MAG: variants seen among roughly 807,000 people sequenced by gnomAD.
MAG encodes the protein myelin-associated glycoprotein.
MAG carries 30 observed loss-of-function variants against 60.7 expected under a neutral mutation model. The ratio of observed to expected loss-of-function variants is 0.49; its 90% CI spans 0.37 to 0.67. MAG has a LOEUF of 0.67. MAG is among the 30% of genes least tolerant of loss of function. The probability of loss-of-function intolerance (pLI) is 0.00; values close to 1 mark genes in which losing one functional copy is unlikely to be tolerated. For missense variants in MAG, 795 were observed against 851.7 expected, an observed-to-expected ratio of 0.93 and a Z score of 0.83; for synonymous variants, 384 against 376.8, an observed-to-expected ratio of 1.02 and a Z score of -0.22.
In MAG at chr19:35,299,696, G is replaced by T. The variant is rs772791739; in HGVS notation, c.558G>T (p.Leu186=). The T allele has an allele frequency of 3.8e-6, 6 of 1,591,884 alleles. No homozygotes were observed. In the Admixed American group the frequency reaches 1.1e-4, roughly 28 times the overall value. ...AGGGGCTGGGGGAGCCCGCTGTGCT[G>T]GGCCGGCTGCGGGAGGACGAGGGCA... ...GHEGLGEPAV[L]GRLREDEGTW... The change falls in exon 5 of 11, where the codon CTG becomes CTT. Residue 186 remains leucine (L), a synonymous_variant. Transcript: ENST00000392213.
rs566027229 is a variant in MAG, at chr19:35,312,590, C to G, written c.1716+573C>G. 4.6e-4 allele frequency: 266 copies of G among 579,590 alleles called. 1 individual carries two copies. Among genetic ancestry groups the G allele is most frequent in the South Asian group, 9.1e-4 (43 of 47,070 alleles). 35.9% of individuals were successfully genotyped at this position (579,590 alleles called of 1,614,324 possible). Reference sequence around the variant, plus strand: ...GGAACCCACATGTCACCTGCAGGACCTCCCAGATTGAGGGCGGACCCATGC... The same window carrying G: ...GGAACCCACATGTCACCTGCAGGACGTCCCAGATTGAGGGCGGACCCATGC... On this transcript the variant is annotated intron_variant, in intron 10 of 10. Transcript: ENST00000392213.
At chr19:35,292,232 C>CAA (rs1568468849) in intron 1 of MAG, 28 bp downstream of exon 1, 1 of 456,014 alleles carries the variant, frequency 2.2e-6, no homozygotes, top group Middle Eastern at 3.8e-4. Flanking sequence ...GAGGCCAGGG[C>CAA]AAGGGGAGCA....
At chr19:35,296,793 C>T (rs2066401122) in intron 4 of MAG, among the ~76,000 whole-genome samples, 1 of 151,630 alleles carries the variant, frequency 6.6e-6, no homozygotes, top group South Asian at 2.1e-4. Flanking sequence ...ACACTGCACA[C>T]TCTACCTACA....
In MAG at chr19:35,312,217, G is replaced by A. The variant is rs186648014; in HGVS notation, c.1716+200G>A. 2.3e-4 allele frequency: 336 copies of A among 1,469,938 alleles called. 1 individual carries two copies. The African/African-American group carries it at 2.3e-3, about 10-fold the overall frequency. The allele number at this position is 1,469,938 out of a possible 1,614,324, so 91.1% of individuals were successfully genotyped here. ...GAAGCTGTGTAGGGGGCGATGGGAC[G>A]TGGGGCCTAAGGGCCCCCTCCCCTC... On this transcript the variant is annotated intron_variant, in intron 10 of 10. Coordinates refer to ENST00000392213, the MANE Select transcript of MAG (RefSeq NM_002361.4).
intron 7 of MAG, among the ~76,000 whole-genome samples, chr19:35,304,533 T>A (rs1002781068): frequency 3.3e-5 from 5 of 151,572 alleles, no homozygotes; most frequent in Admixed American, 6.6e-5. Flanking sequence ...AGTTCTTATT[T>A]TTATTATTAT....
rs1298543746 is a variant in MAG at position 35,311,933 on chromosome 19, G to A, written c.1632G>A (p.Glu544=). The change falls in exon 10 of 11, where the codon GAG becomes GAA. Residue 544 remains glutamate (E), a synonymous_variant. Transcript: ENST00000392213. ...TQTRRKKNVT[E]SPSFSAGDNP... ...TGCCCTGCAGAAAGAACGTGACAGA[G>A]AGCCCCAGCTTCTCGGCAGGGGACA... 10 of 1,612,724 alleles carry A rather than the reference G, an allele frequency of 6.2e-6. No individual in the cohort carries two copies. Among genetic ancestry groups the A allele is most frequent in the Non-Finnish European group, 8.5e-6 (10 of 1,179,320 alleles).
intron 7 of MAG, among the ~76,000 whole-genome samples, chr19:35,307,300 C>T (rs566251334): frequency 6.6e-5 from 10 of 152,300 alleles, no homozygotes; most frequent in Admixed American, 3.9e-4. Context: ...CCGTGTGACT[C>T]CCAGGTCCAC....
intron 7 of MAG, among the ~76,000 whole-genome samples, chr19:35,309,169 G>C (rs893580213): frequency 5.3e-5 from 8 of 152,152 alleles, no homozygotes; most frequent in African/African-American, 1.7e-4. Flanking sequence ...GCTGAGGCTA[G>C]AGTCGCCTCA....
chr19:35,297,829 A>T lies in MAG; in HGVS notation c.416-1725A>T, dbSNP rs777707533. ...AAACCACACACCCCACACACAACAA[A>T]CATGCACAACACACGCTACACAAAC... On this transcript the variant is annotated intron_variant, in intron 4 of 10. Transcript: ENST00000392213. Among the ~76,000 whole-genome samples, 14 of 149,640 alleles carry T rather than the reference A, an allele frequency of 9.4e-5. 1 individual carries two copies. The South Asian group carries it at 2.1e-3, about 23-fold the overall frequency.
intron 7 of MAG, among the ~76,000 whole-genome samples, chr19:35,304,371 G>C (rs1448715245): frequency 6.6e-6 from 1 of 152,070 alleles, no homozygotes; most frequent in Non-Finnish European, 1.5e-5. Context: ...GGAGCCGATG[G>C]GAGTACTTGA....
Position 35,300,323 on chromosome 19 carries a change from C to T in MAG, c.889C>T (p.Pro297Ser). 1.3e-6 allele frequency: 2 copies of T among 1,599,322 alleles called. No individual in the cohort carries two copies. Among genetic ancestry groups the T allele is most frequent in the Non-Finnish European group, 8.5e-7 (1 of 1,179,420 alleles). The change falls in exon 6 of 11, where the codon CCC (proline) becomes TCC (serine). Residue 297 changes from proline (P) to serine (S), a missense_variant. Physicochemically the swap from Pro to Ser is moderately conservative, Grantham distance 74. Coordinates refer to ENST00000392213, the MANE Select transcript of MAG (RefSeq NM_002361.4). ...GCTCCTGGAGCTGGAGGAGGTGACC[C>T]CCGCCGAAGACGGCGTCTATGCCTG... The part of the protein sequence containing the change: ...SLLLELEEVT[P>S]AEDGVYACLA...
intron 9 of MAG, 90 bp downstream of exon 9, chr19:35,310,733 C>CTG: frequency 9.2e-7 from 1 of 1,092,550 alleles, no homozygotes; most frequent in Non-Finnish European, 1.4e-6. Flanking sequence ...TGGGGGAAGG[C>CTG]AGCACCATAA....
chr19:35,295,129 G>A lies in MAG; in HGVS notation c.-23-257G>A, dbSNP rs1393052153. ...AGAAGAAAAATTAACTGGGTGTGGGGTGGCGCATACCAGAAGCTGAGACAA... is the reference window on the plus strand; with the variant it reads ...AGAAGAAAAATTAACTGGGTGTGGGATGGCGCATACCAGAAGCTGAGACAA... On this transcript the variant is annotated intron_variant, in intron 2 of 10. Coordinates refer to ENST00000392213, the MANE Select transcript of MAG (RefSeq NM_002361.4). The surrounding 1 kb of genome is among the most constrained non-coding windows in gnomAD (Gnocchi z 5.8). Among the ~76,000 whole-genome samples, 1 of 152,112 alleles carries A rather than the reference G, an allele frequency of 6.6e-6. No individual in the cohort carries two copies. The highest frequency in any genetic ancestry group is 1.9e-4 in the East Asian group (1 of 5,202).
intron 7 of MAG, among the ~76,000 whole-genome samples, chr19:35,303,749 G>A (rs1373681394): frequency 1.3e-5 from 2 of 152,030 alleles, no homozygotes; most frequent in Admixed American, 1.3e-4. Flanking sequence ...TTGCACCGCT[G>A]GCCAGCGCCT....
chr19:35,309,686 C>CG (rs2066510891), intron 7 of MAG, 188 bp from the exon 8 acceptor site: 1 of 634,970 alleles, frequency 1.6e-6, no homozygotes, highest in African/African-American at 1.8e-5. Context: ...AGGCAGCCGG[C>CG]GGGGTCGTAG....
Position 35,311,914 on chromosome 19 carries a change from G to A in MAG, c.1617-4G>A, listed in dbSNP as rs763119940. The A allele has an allele frequency of 2.5e-6, 4 of 1,610,054 alleles. No homozygotes were observed. The highest frequency in any genetic ancestry group is 3.4e-6 in the Non-Finnish European group (4 of 1,177,392). On this transcript the variant is annotated splice_polypyrimidine_tract_variant and splice_region_variant and intron_variant, in intron 9 of 10. Coordinates refer to ENST00000392213, the MANE Select transcript of MAG (RefSeq NM_002361.4). The stretch of plus-strand genomic sequence containing the variant: ...AGAGAGGTCTGACGAGTCCTGCCCT[G>A]CAGAAAGAACGTGACAGAGAGCCCC...
Position 35,302,577 on chromosome 19 carries a change from C to T in MAG, c.1100C>T (p.Ser367Phe), listed in dbSNP as rs200988783. ...ATCTTCAAGGAGAAGCAGATCCTGTCCACGGTCATCTACGAGAGCGAGCTG... is the reference window on the plus strand; with the variant it reads ...ATCTTCAAGGAGAAGCAGATCCTGTTCACGGTCATCTACGAGAGCGAGCTG... Reference protein sequence around the residue: ...LTIFKEKQILSTVIYESELQL... With the variant: ...LTIFKEKQILFTVIYESELQL... Residue 367 changes from serine to phenylalanine, a missense_variant, in exon 7 of 11, where the codon TCC becomes TTC. By Grantham distance (155) the Ser-to-Phe change is radical (BLOSUM62 -2). Coordinates refer to ENST00000392213, the MANE Select transcript of MAG (RefSeq NM_002361.4). The T allele has an allele frequency of 6.2e-7, 1 of 1,614,212 alleles. No homozygotes were observed. Among genetic ancestry groups the T allele is most frequent in the Non-Finnish European group, 8.5e-7 (1 of 1,180,042 alleles).
intron 7 of MAG, among the ~76,000 whole-genome samples, chr19:35,307,868 C>T (rs1271711698): frequency 6.6e-6 from 1 of 151,636 alleles, no homozygotes; most frequent in Non-Finnish European, 1.5e-5. Context: ...GAGGAAGGGC[C>T]GGGGTTCAAG....
intron 7 of MAG, among the ~76,000 whole-genome samples, chr19:35,304,751 G>T (rs1379968676): frequency 6.6e-6 from 1 of 151,918 alleles, no homozygotes; most frequent in Non-Finnish European, 1.5e-5. Flanking sequence ...TGTTGCCCAG[G>T]CTGTTCTCCA....
Sources: allele counts gnomAD v4.1 joint callset (sites outside exome capture counted in the v4.1 genomes callset), GRCh38; gene constraint gnomAD v4.1.1; non-coding constraint Gnocchi (gnomAD v3.1); transcripts MANE v1.5; gene names NCBI Gene and HGNC (gene_info 2026-07-23, HGNC 2026-07-21).